TMPRSS11F: variants seen among roughly 807,000 people sequenced by gnomAD.
TMPRSS11F encodes transmembrane protease serine 11F.
TMPRSS11F carries 47 observed loss-of-function variants against 60.2 expected under a neutral mutation model. That is an observed-to-expected ratio of 0.78 (90% CI 0.62 to 1.00). The LOEUF is 1.00. TMPRSS11F is among the 50% of genes least tolerant of loss of function. TMPRSS11F has a pLI of 0.00. For synonymous variants in TMPRSS11F, 166 were observed against 167.3 expected (o/e 0.99, Z 0.06); for missense variants, 519 against 522.9 (o/e 0.99, Z 0.07).
intron 1 of TMPRSS11F, among the ~76,000 whole-genome samples, chr4:68,115,958 C>T (rs1724511198): frequency 6.6e-6 from 1 of 152,052 alleles, no homozygotes. Flanking sequence ...TGTATATTTT[C>T]AGCAAGAATA....
chr4:68,072,234 T>A (rs555586131), intron 5 of TMPRSS11F, 89 bp downstream of exon 5: 3 of 134,636 alleles, frequency 2.2e-5, no homozygotes, highest in South Asian at 2.5e-4. Flanking sequence ...AAAAAAAATA[T>A]ATATATATAT....
chr4:68,113,354 T>C (rs1420772611), intron 1 of TMPRSS11F, among the ~76,000 whole-genome samples: 4 of 151,780 alleles, frequency 2.6e-5, no homozygotes, highest in Non-Finnish European at 5.9e-5. Flanking sequence ...GAAATATCTA[T>C]GTGAATTGCT....
chr4:68,077,140 A>G (rs1270112790), intron 3 of TMPRSS11F: 1 of 152,262 alleles, frequency 6.6e-6, no homozygotes, highest in East Asian at 1.9e-4. Flanking sequence ...AAGGGTTCCA[A>G]TTAAAACAGT....
intron 3 of TMPRSS11F, among the ~76,000 whole-genome samples, chr4:68,075,200 A>G (rs1723558924): frequency 2.0e-5 from 3 of 152,050 alleles, no homozygotes. Context: ...TTTACCTCCT[A>G]AATGTTAAAT....
intron 2 of TMPRSS11F, 98 bp downstream of exon 2, chr4:68,098,789 G>T: frequency 7.0e-6 from 8 of 1,145,736 alleles, no homozygotes; most frequent in African/African-American, 1.6e-5. Flanking sequence ...TAATTAAAAT[G>T]TTAATATCAT....
chr4:68,091,044 T>G (rs971165196), intron 2 of TMPRSS11F, among the ~76,000 whole-genome samples: 1 of 152,242 alleles, frequency 6.6e-6, no homozygotes, highest in African/African-American at 2.4e-5. Context: ...TGTCAAATTT[T>G]TTTATGCTAC....
chr4:68,061,897 T>TA (rs199754123), intron 8 of TMPRSS11F: 60 of 420,220 alleles, frequency 1.4e-4, no homozygotes, highest in Admixed American at 8.0e-4. Flanking sequence ...AATGAACTTT[T>TA]AAAAAAAAAT....
At chr4:68,124,766 G>GTT (rs11443487) in intron 1 of TMPRSS11F, among the ~76,000 whole-genome samples, 3 of 151,542 alleles carry the variant, frequency 2.0e-5, no homozygotes, top group South Asian at 2.1e-4. Flanking sequence ...ACTAGATTTT[G>GTT]TTTTTTTCTT....
intron 3 of TMPRSS11F, among the ~76,000 whole-genome samples, chr4:68,079,663 A>G (rs576232379): frequency 2.6e-5 from 4 of 152,304 alleles, no homozygotes; most frequent in Admixed American, 1.3e-4. Flanking sequence ...AACTAATTGT[A>G]TCCTTTCCCT....
Position 68,090,883 on chromosome 4 carries a change from A to G in TMPRSS11F, c.164-242T>C, listed in dbSNP as rs540537383. On this transcript the variant is annotated intron_variant, in intron 2 of 9. Transcript: ENST00000356291. ...CCATTATAGATATTTATGCATATCA[A>G]AATATTCATAAAATTGGACATGCAA... Among the ~76,000 whole-genome samples, 12 of 152,316 alleles carry G rather than the reference A, an allele frequency of 7.9e-5. No homozygotes were observed. The South Asian group carries it at 2.5e-3, about 32-fold the overall frequency.
chr4:68,107,539 T>G (rs577084808), intron 1 of TMPRSS11F, among the ~76,000 whole-genome samples: 1 of 151,964 alleles, frequency 6.6e-6, no homozygotes, highest in Non-Finnish European at 1.5e-5. Flanking sequence ...GACCCTGAGG[T>G]AGGAGCAGAC....
intron 4 of TMPRSS11F, 57 bp downstream of exon 4, chr4:68,073,885 C>A: frequency 9.1e-7 from 1 of 1,104,450 alleles, no homozygotes; most frequent in South Asian, 1.5e-5. Context: ...CAATTAGGTT[C>A]ATCAAATACC....
intron 1 of TMPRSS11F, among the ~76,000 whole-genome samples, chr4:68,110,644 G>A (rs1009921177): frequency 3.3e-5 from 5 of 152,120 alleles, no homozygotes; most frequent in African/African-American, 4.8e-5. Context: ...TGCAAAATGG[G>A]TATAACAGTA....
chr4:68,124,153 G>A (rs767240134), intron 1 of TMPRSS11F, among the ~76,000 whole-genome samples: 10 of 151,736 alleles, frequency 6.6e-5, no homozygotes, highest in Non-Finnish European at 1.2e-4. Flanking sequence ...CCCGAGTGGC[G>A]GAGGTTGCAA....
At chr4:68,063,268 T>C (rs1488867460) in intron 8 of TMPRSS11F, 2 of 566,710 alleles carry the variant, frequency 3.5e-6, no homozygotes, top group Non-Finnish European at 7.0e-6. Context: ...TCAATCGCCA[T>C]GATGAGCTCA....
At chr4:68,064,422 G>A (rs1723276826) in intron 8 of TMPRSS11F, among the ~76,000 whole-genome samples, 1 of 151,960 alleles carries the variant, frequency 6.6e-6, no homozygotes, top group Admixed American at 6.6e-5. Context: ...CCTGACCTCA[G>A]GTGATCCGCC....
chr4:68,077,393 A>G (rs1453227172), intron 3 of TMPRSS11F: 3 of 152,224 alleles, frequency 2.0e-5, no homozygotes, highest in Admixed American at 6.5e-5. Context: ...CATAGACTGC[A>G]TTCTCTGTGA....
intron 3 of TMPRSS11F, among the ~76,000 whole-genome samples, chr4:68,090,249 A>G (rs1311076925): frequency 6.6e-6 from 1 of 152,028 alleles, no homozygotes; most frequent in East Asian, 1.9e-4. Context: ...CGATAAAATC[A>G]AGAGTTAAAA....
At position 68,053,955 on chromosome 4, in the gene TMPRSS11F, C is replaced by G. The variant is rs200202727; in HGVS notation, c.1271G>C (p.Arg424Thr). 216 of 1,613,754 alleles carry G rather than the reference C, an allele frequency of 1.3e-4. 2 individuals are homozygous for G. The highest frequency in any genetic ancestry group is 1.2e-3 in the South Asian group (107 of 91,064). Residue 424 changes from arginine to threonine, a missense_variant, in exon 10 of 10, where the codon AGA becomes ACA. Physicochemically the swap from Arg to Thr is moderately conservative, Grantham distance 71 (BLOSUM62 -1). Transcript: ENST00000356291. ...AATCCAATCTCGATACTTAGTTACT[C>G]TGGTGTAGACTCCAGGTTTTTTGGG... ...ALPKKPGVYT[R>T]VTKYRDWIAS...
Sources: gnomAD v4.1 joint callset for allele counts (sites outside exome capture counted in the v4.1 genomes callset) on GRCh38, gnomAD v4.1.1 for gene constraint, MANE v1.5 for transcripts, NCBI Gene and HGNC (gene_info 2026-07-23, HGNC 2026-07-21) for gene names.